NRXN3: variants seen among roughly 807,000 people sequenced by gnomAD.
The protein encoded by NRXN3 is neurexin III.
Under a neutral mutation model 137.6 loss-of-function variants are expected in NRXN3, and 32 were observed. The observed-to-expected ratio is 0.23, with a 90% CI of 0.18 to 0.31. The LOEUF is 0.31. Among genes scored for constraint, NRXN3 ranks in the 10% least tolerant of loss-of-function variants. NRXN3 has a pLI of 1.00. For synonymous variants in NRXN3, 798 were observed against 784.5 expected, an observed-to-expected ratio of 1.02 and a Z score of -0.29; for missense variants, 1,574 against 2,062.5, an observed-to-expected ratio of 0.76 and a Z score of 4.59.
chr14:79,675,128 C>G (rs923852191), intron 17 of NRXN3, among the ~76,000 whole-genome samples: 4 of 152,026 alleles, frequency 2.6e-5, no homozygotes, highest in Admixed American at 2.6e-4. Flanking sequence ...TAGTAGGTGG[C>G]AGAACCAACA....
intron 15 of NRXN3, among the ~76,000 whole-genome samples, chr14:79,360,446 G>A (rs2093644908): frequency 2.0e-5 from 3 of 152,134 alleles, no homozygotes; most frequent in Admixed American, 1.3e-4. Context: ...TCTTATCATG[G>A]AAAGTTATTC....
At chr14:78,315,466 T>G (rs1486438588) in intron 4 of NRXN3, among the ~76,000 whole-genome samples, 1 of 152,234 alleles carries the variant, frequency 6.6e-6, no homozygotes, top group Non-Finnish European at 1.5e-5. Flanking sequence ...TGAGACACGC[T>G]GTGTTACAGC....
At chr14:79,397,831 C>G (rs1032024058) in intron 15 of NRXN3, among the ~76,000 whole-genome samples, 5 of 152,174 alleles carry the variant, frequency 3.3e-5, no homozygotes, top group African/African-American at 1.2e-4. Flanking sequence ...GCAGAAAATC[C>G]TTAGCTACAA....
intron 4 of NRXN3, among the ~76,000 whole-genome samples, chr14:78,456,571 T>A (rs960948907): frequency 5.3e-5 from 8 of 152,210 alleles, no homozygotes; most frequent in African/African-American, 1.4e-4. Flanking sequence ...GTACTTCATT[T>A]CTTTTTCTTT....
chr14:79,619,849 C>A (rs188234321), intron 16 of NRXN3, among the ~76,000 whole-genome samples: 6 of 152,204 alleles, frequency 3.9e-5, no homozygotes, highest in Admixed American at 3.3e-4. Flanking sequence ...TATAAAGTTT[C>A]TTAATCATGA....
At chr14:79,703,230 C>T (rs1205469295) in intron 19 of NRXN3, among the ~76,000 whole-genome samples, 1 of 152,150 alleles carries the variant, frequency 6.6e-6, no homozygotes, top group Non-Finnish European at 1.5e-5. Context: ...GCCACAATTT[C>T]TCATGTTTTG....
At chr14:79,754,590 A>G (rs1799989439) in intron 19 of NRXN3, among the ~76,000 whole-genome samples, 1 of 143,684 alleles carries the variant, frequency 7.0e-6, no homozygotes, top group African/African-American at 2.6e-5. Flanking sequence ...ACACACACAC[A>G]TATATATACA....
intron 15 of NRXN3, among the ~76,000 whole-genome samples, chr14:79,222,928 CATT>C (rs2070066217): frequency 6.6e-6 from 1 of 152,022 alleles, no homozygotes; most frequent in South Asian, 2.1e-4. Context: ...AGTCCTTTAT[CATT>C]ATGTCTTTTT....
chr14:78,926,846 A>ATATT lies in NRXN3; in HGVS notation c.2276-30393_2276-30392insTTAT, dbSNP rs1164793936. Among the ~76,000 whole-genome samples the ATATT allele has an allele frequency of 2.3e-4, 5 of 21,712 alleles. 2 individuals carry two copies. The highest frequency in any genetic ancestry group is 7.8e-4 in the African/African-American group (2 of 2,574). 14.2% of individuals were successfully genotyped at this position (21,712 alleles called of 152,430 possible). ...TATATATAATTTATATAAATATATAATATATTATATATATAATATATATAT... is the reference window on the plus strand; with the variant it reads ...TATATATAATTTATATAAATATATAATATTTATATTATATATATAATATATATAT... On this transcript the variant is annotated intron_variant, in intron 10 of 20. Coordinates refer to ENST00000335750, the MANE Select transcript of NRXN3 (RefSeq NM_001330195.2).
intron 19 of NRXN3, among the ~76,000 whole-genome samples, chr14:79,777,950 C>T (rs1427862563): frequency 6.6e-6 from 1 of 151,986 alleles, no homozygotes; most frequent in Non-Finnish European, 1.5e-5. Flanking sequence ...AAAAATGAGA[C>T]CTTCTCTTGA....
chr14:78,798,021 C>G lies in NRXN3; in HGVS notation c.2045-5599C>G, dbSNP rs565585504. Among the ~76,000 whole-genome samples the G allele has an allele frequency of 3.9e-4, 59 of 152,282 alleles. 1 individual carries two copies. The South Asian group carries it at 0.01, about 26-fold the overall frequency. On this transcript the variant is annotated intron_variant, in intron 8 of 20. Transcript: ENST00000335750. ...AGATGAGATTTGGGTAGAAACACAGCTAACCCATATCATTCCATCCCTGAC... is the reference window on the plus strand; with the variant it reads ...AGATGAGATTTGGGTAGAAACACAGGTAACCCATATCATTCCATCCCTGAC...
chr14:78,728,919 C>T (rs989396683), intron 8 of NRXN3, among the ~76,000 whole-genome samples: 4 of 152,072 alleles, frequency 2.6e-5, no homozygotes, highest in Non-Finnish European at 4.4e-5. Context: ...AAACAAACAA[C>T]AACAAAAAGC....
chr14:78,978,246 G>C (rs1481625277), intron 14 of NRXN3, among the ~76,000 whole-genome samples: 1 of 152,094 alleles, frequency 6.6e-6, no homozygotes, highest in Non-Finnish European at 1.5e-5. Flanking sequence ...GTAAGGCATA[G>C]GTCCTGACTT....
chr14:78,657,354 G>A (rs2097793242), intron 6 of NRXN3, among the ~76,000 whole-genome samples: 2 of 152,138 alleles, frequency 1.3e-5, no homozygotes, highest in South Asian at 2.1e-4. Flanking sequence ...TGGACCTTCT[G>A]TGTAGTTTGA....
chr14:79,677,669 C>A (rs1188534053), intron 17 of NRXN3, among the ~76,000 whole-genome samples: 2 of 152,078 alleles, frequency 1.3e-5, no homozygotes, highest in African/African-American at 2.4e-5. Context: ...GAATTTTGAG[C>A]TACAAGTAGG....
chr14:79,334,212 A>C (rs929495231), intron 15 of NRXN3, among the ~76,000 whole-genome samples: 5 of 152,194 alleles, frequency 3.3e-5, no homozygotes, highest in Non-Finnish European at 7.3e-5. Context: ...GGAAATAAAT[A>C]TATACTCTTC....
chr14:79,732,365 TTGTG>T (rs2098927106), intron 19 of NRXN3, among the ~76,000 whole-genome samples: 1 of 152,164 alleles, frequency 6.6e-6, no homozygotes, highest in Non-Finnish European at 1.5e-5. Context: ...TTTTAAGTTC[TTGTG>T]TGTGTGAGTA....
intron 4 of NRXN3, among the ~76,000 whole-genome samples, chr14:78,607,224 T>C (rs916435381): frequency 2.0e-5 from 3 of 152,234 alleles, no homozygotes; most frequent in African/African-American, 7.2e-5. Context: ...TCCAGTGGCA[T>C]ATTTTATTCA....
intron 10 of NRXN3, among the ~76,000 whole-genome samples, chr14:78,853,287 A>G (rs1413837095): frequency 6.6e-6 from 1 of 152,074 alleles, no homozygotes; most frequent in Non-Finnish European, 1.5e-5. Context: ...CTCATTGTTC[A>G]ATTCCTACCT....
Sources: gnomAD v4.1 joint callset for allele counts (sites outside exome capture counted in the v4.1 genomes callset) on GRCh38, gnomAD v4.1.1 for gene constraint, MANE v1.5 for transcripts, NCBI Gene and HGNC (gene_info 2026-07-23, HGNC 2026-07-21) for gene names.